PREB: variants seen among roughly 807,000 people sequenced by gnomAD.
The protein encoded by PREB is guanine nucleotide-exchange factor SEC12.
Under a neutral mutation model 46.7 loss-of-function variants are expected in PREB, and 29 were observed. The ratio of observed to expected loss-of-function variants is 0.62; its 90% CI spans 0.46 to 0.85. PREB has a LOEUF of 0.85. PREB is among the 40% of genes least tolerant of loss of function. The pLI, the probability that PREB is intolerant of heterozygous loss-of-function variation, is 0.00. For missense variants in PREB, 494 were observed against 528.4 expected (o/e 0.93, Z 0.64); for synonymous variants, 224 against 220.1 (o/e 1.02, Z -0.16).
At chr2:27,131,878 C>G (rs1558478609) in intron 7 of PREB, 47 bp from the exon 8 acceptor site, 1 of 1,603,362 alleles carries the variant, frequency 6.2e-7, no homozygotes, top group African/African-American at 1.3e-5. Context: ...GCTGGGAACT[C>G]TCTTTCTGGA....
In PREB at chr2:27,134,452, G is replaced by C. The variant is rs764994866; in HGVS notation, c.-31C>G. On this transcript the variant is annotated 5_prime_UTR_variant, in exon 1 of 9. Transcript: ENST00000260643. ...CCGGCGCGCGTTCACTGCCCGCACC[G>C]CGGCACCCAGGACATGCCGCGCCGG... The C allele has an allele frequency of 1.3e-6, 2 of 1,509,842 alleles. No individual in the cohort carries two copies. Among genetic ancestry groups the C allele is most frequent in the African/African-American group, 2.9e-5 (2 of 69,550 alleles). The allele number at this position is 1,509,842 out of a possible 1,614,324, so 93.5% of individuals were successfully genotyped here.
rs904362806 is a variant in PREB at position 27,134,598 on chromosome 2, A to G, written c.-177T>C. On this transcript the variant is annotated 5_prime_UTR_variant, in exon 1 of 9. Coordinates refer to ENST00000260643, the MANE Select transcript of PREB (RefSeq NM_013388.6). ...GACCATCAGCAGGAAGCCGAGCCTC[A>G]GCTCGGCTCCGTCCAAGTCGGTCTC... is the stretch of plus-strand genomic sequence containing the variant. The G allele has an allele frequency of 7.5e-7, 1 of 1,336,816 alleles. No homozygotes were observed. The highest frequency in any genetic ancestry group is 9.5e-7 in the Non-Finnish European group (1 of 1,049,198). 82.8% of individuals were successfully genotyped at this position (1,336,816 alleles called of 1,614,324 possible).
chr2:27,130,855 C>G lies in PREB; in HGVS notation c.*559G>C. ...TCCCATTCCTCAAGGTAAGGGTAGA[C>G]TACCTAGGAACTTATTGCATCTTTA... On this transcript the variant is annotated 3_prime_UTR_variant, in exon 9 of 9. Coordinates refer to ENST00000260643, the MANE Select transcript of PREB (RefSeq NM_013388.6). 1 of 1,268,226 alleles carries G rather than the reference C, an allele frequency of 7.9e-7. No homozygotes were observed. Among genetic ancestry groups the G allele is most frequent in the Admixed American group, 2.1e-5 (1 of 48,476 alleles). The allele number at this position is 1,268,226 out of a possible 1,614,324, so 78.6% of individuals were successfully genotyped here.
At chr2:27,133,471 AC>A in intron 2 of PREB, 60 bp downstream of exon 2, 2 of 1,596,240 alleles carry the variant, frequency 1.3e-6, no homozygotes, top group South Asian at 2.3e-5. Context: ...CTTTAGAGAC[AC>A]CAAGAGTGAC....
In PREB at chr2:27,133,640, T is replaced by C. The variant is rs764403588; in HGVS notation, c.217A>G (p.Met73Val). 4 of 1,614,104 alleles carry C rather than the reference T, an allele frequency of 2.5e-6. No homozygotes were observed. ...ATGTCACCAGCCAGTGCCAAGTTCA[T>C]GGTGGCCCGTGTCTCTGTGTCATGG... ...HSHDTETRAT[M>V]NLALAGDILA... Residue 73 changes from methionine (M) to valine (V), a missense_variant, in exon 2 of 9, where the codon ATG (methionine) becomes GTG (valine). Physicochemically the swap from Met to Val is conservative, Grantham distance 21. Transcript: ENST00000260643.
In PREB at chr2:27,130,779, C is replaced by G; in HGVS notation, c.*635G>C. 1 of 1,596,670 alleles carries G rather than the reference C, an allele frequency of 6.3e-7. No homozygotes were observed. The highest frequency in any genetic ancestry group is 8.6e-7 in the Non-Finnish European group (1 of 1,165,086). ...CATTTGGGGTCTCAGTTCACTCTTTCCTTGTTTATTAAATATCAACTTTTC... is the reference window on the plus strand; with the variant it reads ...CATTTGGGGTCTCAGTTCACTCTTTGCTTGTTTATTAAATATCAACTTTTC... On this transcript the variant is annotated 3_prime_UTR_variant, in exon 9 of 9. Coordinates refer to ENST00000260643, the MANE Select transcript of PREB (RefSeq NM_013388.6).
At position 27,134,279 on chromosome 2, in the gene PREB, G is replaced by C. The variant is rs946407245; in HGVS notation, c.135+8C>G. The C allele has an allele frequency of 6.3e-7, 1 of 1,597,058 alleles. No individual in the cohort carries two copies. The highest frequency in any genetic ancestry group is 8.5e-7 in the Non-Finnish European group (1 of 1,173,294). Reference sequence around the variant, plus strand: ...CAAGACCCAGCCCCAGTGGCCCTGCGCTCTCACCACGCCATTCTTTATGCC... The same window carrying C: ...CAAGACCCAGCCCCAGTGGCCCTGCCCTCTCACCACGCCATTCTTTATGCC... On this transcript the variant is annotated splice_region_variant and intron_variant, in intron 1 of 8. Transcript: ENST00000260643.
chr2:27,132,314 T>C lies in PREB; in HGVS notation c.842A>G (p.Tyr281Cys). The change falls in exon 6 of 9, where the codon TAC becomes TGC. Residue 281 changes from tyrosine (Y) to cysteine (C), a missense_variant. Coordinates refer to ENST00000260643, the MANE Select transcript of PREB (RefSeq NM_013388.6). This position sits in a 1 kb window ranked among gnomAD's most constrained non-coding sequence, Gnocchi z 4.0. ...HKRLRQPPPC[Y>C]LTAWDGSNFL... ...GTTGGAGCCATCCCAGGCTGTGAGG[T>C]AGCAGGGAGGGGGCTGGCGCAGGCG... The C allele has an allele frequency of 6.2e-7, 1 of 1,614,012 alleles. No homozygotes were observed. The highest frequency in any genetic ancestry group is 1.1e-5 in the South Asian group (1 of 91,074).
chr2:27,131,555 GC>G, intron 8 of PREB, 47 bp from the exon 9 acceptor site: 1 of 1,599,654 alleles, frequency 6.3e-7, no homozygotes, highest in East Asian at 2.2e-5. Flanking sequence ...GGGCTTCCCA[GC>G]CTGAAAACCA....
In PREB at chr2:27,131,028, G is replaced by C; in HGVS notation, c.*386C>G. On this transcript the variant is annotated 3_prime_UTR_variant, in exon 9 of 9. Coordinates refer to ENST00000260643, the MANE Select transcript of PREB (RefSeq NM_013388.6). Reference sequence around the variant, plus strand: ...TCATGTGAAGAGGAACTGGCCACAAGGCTGAGGGGAGGAGGAGAAACTGTT... The same window carrying C: ...TCATGTGAAGAGGAACTGGCCACAACGCTGAGGGGAGGAGGAGAAACTGTT... 1 of 537,104 alleles carries C rather than the reference G, an allele frequency of 1.9e-6. No individual in the cohort carries two copies. Among genetic ancestry groups the C allele is most frequent in the Non-Finnish European group, 3.3e-6 (1 of 300,064 alleles). The allele number at this position is 537,104 out of a possible 1,614,324, so 33.3% of individuals were successfully genotyped here. A position where few individuals can be genotyped will look rare whatever the true frequency, so the allele number is the denominator to read the frequency against.
chr2:27,132,394 C>G lies in PREB; in HGVS notation c.762G>C (p.Gln254His). Residue 254 changes from glutamine (Q) to histidine (H), a missense_variant, in exon 6 of 9, where the codon CAG becomes CAC. Gln to His is a conservative substitution (Grantham distance 24). Coordinates refer to ENST00000260643, the MANE Select transcript of PREB (RefSeq NM_013388.6). The surrounding 1 kb of genome is among the most constrained non-coding windows in gnomAD (Gnocchi z 4.0). ...GCAGGCCAGCAGGCTGGTCTGGAAC[C>G]TGCCCAAACCTGGGGGCCGGATGAG... ...PYRYQACRFG[Q>H]VPDQPAGLRL... 1 of 1,610,664 alleles carries G rather than the reference C, an allele frequency of 6.2e-7. No individual in the cohort carries two copies.
rs752371346 is a variant in PREB, at chr2:27,133,342, AAC to A, written c.326-7_326-6del. The A allele has an allele frequency of 5.0e-6, 8 of 1,613,804 alleles. No individual in the cohort carries two copies. Among genetic ancestry groups the A allele is most frequent in the African/African-American group, 1.3e-5 (1 of 74,892 alleles). ...GAGGCCCCTGCTCCTTGGAACCTGT[AAC>A]ACAAACACTTGGCCAGGTTCCAGGC... On this transcript the variant is annotated splice_region_variant and splice_polypyrimidine_tract_variant and intron_variant, in intron 2 of 8. Transcript: ENST00000260643.
chr2:27,131,643 T>G, intron 8 of PREB, 29 bp downstream of exon 8: 2 of 1,611,028 alleles, frequency 1.2e-6, no homozygotes. Context: ...CGTGGGGTGG[T>G]GCCTGCCTGC....
In PREB at chr2:27,132,494, G is replaced by T; in HGVS notation, c.753-91C>A. On this transcript the variant is annotated intron_variant, in intron 5 of 8. Transcript: ENST00000260643. This position sits in a 1 kb window ranked among gnomAD's most constrained non-coding sequence, Gnocchi z 4.0. ...ACCACCTGCACCCTGGTCAGACCTG[G>T]GGTAACACTCAACAAGTTCCTCCCC... 6.3e-7 allele frequency: 1 copy of T among 1,592,090 alleles called. No individual in the cohort carries two copies. The highest frequency in any genetic ancestry group is 1.1e-5 in the South Asian group (1 of 89,184).
intron 2 of PREB, 60 bp downstream of exon 2, chr2:27,133,472 C>T: frequency 1.3e-6 from 2 of 1,596,508 alleles, no homozygotes; most frequent in Non-Finnish European, 1.7e-6. Context: ...TTTAGAGACA[C>T]CAAGAGTGAC....
Position 27,132,219 on chromosome 2 carries a change from A to T in PREB, c.926+11T>A, listed in dbSNP as rs1672307609. On this transcript the variant is annotated intron_variant, in intron 6 of 8. Coordinates refer to ENST00000260643, the MANE Select transcript of PREB (RefSeq NM_013388.6). This position sits in a 1 kb window ranked among gnomAD's most constrained non-coding sequence, Gnocchi z 4.0. Reference sequence around the variant, plus strand: ...GACCCCCTACCTAGCCAAGGCAGCAATGTCTCACACCTGACATCGAGGCAG... The same window carrying T: ...GACCCCCTACCTAGCCAAGGCAGCATTGTCTCACACCTGACATCGAGGCAG... 1.2e-6 allele frequency: 2 copies of T among 1,614,034 alleles called. No individual in the cohort carries two copies. Among genetic ancestry groups the T allele is most frequent in the South Asian group, 2.2e-5 (2 of 91,082 alleles).
At position 27,132,633 on chromosome 2, in the gene PREB, G is replaced by A; in HGVS notation, c.722C>T (p.Ser241Phe). 2 of 1,614,150 alleles carry A rather than the reference G, an allele frequency of 1.2e-6. No homozygotes were observed. Among genetic ancestry groups the A allele is most frequent in the Non-Finnish European group, 1.7e-6 (2 of 1,180,032 alleles). The change falls in exon 5 of 9, where the codon TCC becomes TTC. Residue 241 changes from serine (S) to phenylalanine (F), a missense_variant. Transcript: ENST00000260643. The surrounding 1 kb of genome is among the most constrained non-coding windows in gnomAD (Gnocchi z 4.0). ...LHWQENGPTFSSTPYRYQACR... is the reference protein window; with the variant it reads ...LHWQENGPTFFSTPYRYQACR... ...GGCCTGGTAGCGGTAAGGTGTGCTG[G>A]AAAAGGTGGGTCCATTTTCTTGCCA...
rs1417675074 is a variant in PREB at position 27,134,126 on chromosome 2, C to A, written c.135+161G>T. 1.1e-5 allele frequency: 11 copies of A among 974,912 alleles called. No individual in the cohort carries two copies. In the South Asian group the frequency reaches 1.6e-4, roughly 14 times the overall value. The allele number at this position is 974,912 out of a possible 1,614,324, so 60.4% of individuals were successfully genotyped here. A position where few individuals can be genotyped will look rare whatever the true frequency, so the allele number is the denominator to read the frequency against. ...AAGCCTCTCCTCCGCCCGCTGAGTT[C>A]TCGACTGAAATTCGCCCCTGGGCGT... On this transcript the variant is annotated intron_variant, in intron 1 of 8. Coordinates refer to ENST00000260643, the MANE Select transcript of PREB (RefSeq NM_013388.6).
chr2:27,133,880 T>C (rs1672388676), intron 1 of PREB, 159 bp from the exon 2 acceptor site: 1 of 688,942 alleles, frequency 1.5e-6, no homozygotes, highest in Non-Finnish European at 2.4e-6. Flanking sequence ...ATCTACACAG[T>C]GAGCAGGACT....
Sources: allele counts gnomAD v4.1 joint callset, GRCh38; gene constraint gnomAD v4.1.1; non-coding constraint Gnocchi (gnomAD v3.1); transcripts MANE v1.5; gene names NCBI Gene and HGNC (gene_info 2026-07-23, HGNC 2026-07-21).